AASS: variants seen among roughly 807,000 people sequenced by gnomAD.
The protein encoded by AASS is alpha-aminoadipic semialdehyde synthase, mitochondrial.
A neutral mutation model predicts 105.4 loss-of-function variants in AASS; 86 were observed. That is an observed-to-expected ratio of 0.82 (90% confidence interval 0.69 to 0.98). The LOEUF (loss-of-function observed/expected upper bound fraction) is 0.98. Among genes scored for constraint, AASS ranks in the 50% least tolerant of loss-of-function variants. AASS has a pLI of 0.00. For missense variants in AASS, 1,048 were observed against 1,143.2 expected (o/e 0.92, Z 1.20); for synonymous variants, 381 against 394.8 (o/e 0.96, Z 0.41).
chr7:122,092,951 A>G lies in AASS; in HGVS notation c.1767T>C (p.Ser589=), dbSNP rs780898851. The G allele has an allele frequency of 6.2e-7, 1 of 1,612,828 alleles. No homozygotes were observed. The change falls in exon 17 of 24, where the codon AGT becomes AGC. Residue 589 remains serine (S), a splice_region_variant and synonymous_variant. Transcript: ENST00000417368. ...ITPALKELEK[S]VEDAGITIIG... ...TGATTGTGATGCCAGCATCTTCCAC[A>G]CTGCAGCAGGTGGAAAGAGGAAAAA...
At chr7:122,143,681 G>A (rs538375005) in intron 1 of AASS, among the ~76,000 whole-genome samples, 1 of 151,802 alleles carries the variant, frequency 6.6e-6, no homozygotes, top group East Asian at 2.0e-4. Context: ...GGGGAGGGAA[G>A]GGGGAAAGAA....
chr7:122,143,628 G>C (rs1200672962), intron 1 of AASS, among the ~76,000 whole-genome samples: 1 of 151,780 alleles, frequency 6.6e-6, no homozygotes, highest in East Asian at 2.0e-4. Context: ...GCCCAAGATG[G>C]ACAAGGAGAG....
rs1252598038 is a variant in AASS at position 122,098,764 on chromosome 7, G to T, written c.1509C>A (p.Gly503=). Residue 503 remains glycine (G), a synonymous_variant, in exon 14 of 24, where the codon GGC becomes GGA. Transcript: ENST00000417368. ...EPVLEYLSRD[G]NIEITVGSDM... The stretch of plus-strand genomic sequence containing the variant: ...ATTTACCTACTGTTATTTCTATATT[G>T]CCATCTCTTGATAAATATTCTAATA... 4.4e-6 allele frequency: 7 copies of T among 1,603,990 alleles called. No individual in the cohort carries two copies. The highest frequency in any genetic ancestry group is 2.2e-5 in the East Asian group (1 of 44,534).
At chr7:122,121,361 T>C (rs1429225332) in intron 4 of AASS, among the ~76,000 whole-genome samples, 2 of 152,234 alleles carry the variant, frequency 1.3e-5, no homozygotes, top group Non-Finnish European at 2.9e-5. Flanking sequence ...TCACAATACA[T>C]TGTTTCATTT....
chr7:122,115,322 A>T lies in AASS; in HGVS notation c.895-100T>A, dbSNP rs6947355. On this transcript the variant is annotated intron_variant, in intron 8 of 23. Coordinates refer to ENST00000417368, the MANE Select transcript of AASS (RefSeq NM_005763.4). ...AGTAAATTCTATGAGAAATAATTAA[A>T]TGTAACTTCTAATTGATTTTCTTAT... is the stretch of plus-strand genomic sequence containing the variant. 3,709 of 1,425,898 alleles carry T rather than the reference A, an allele frequency of 2.6e-3. 83 individuals are homozygous for T. The African/African-American group carries it at 0.047, about 18-fold the overall frequency. 88.3% of individuals were successfully genotyped at this position (1,425,898 alleles called of 1,614,324 possible).
intron 1 of AASS, among the ~76,000 whole-genome samples, chr7:122,143,635 A>G (rs1796502368): frequency 2.0e-5 from 3 of 151,608 alleles, no homozygotes; most frequent in African/African-American, 7.3e-5. Flanking sequence ...ATGGACAAGG[A>G]GAGAAGTTTG....
chr7:122,089,464 C>G (rs1793791851), intron 18 of AASS, among the ~76,000 whole-genome samples: 2 of 152,108 alleles, frequency 1.3e-5, no homozygotes, highest in South Asian at 2.1e-4. Flanking sequence ...AAAAAGCACT[C>G]ATTTTTACAA....
At chr7:122,100,979 C>G (rs1462385250) in intron 13 of AASS, among the ~76,000 whole-genome samples, 1 of 151,832 alleles carries the variant, frequency 6.6e-6, no homozygotes, top group African/African-American at 2.4e-5. Flanking sequence ...GAGTCCAAAT[C>G]CTCAACTAAA....
rs1792949703 is a variant in AASS, at chr7:122,075,308, G to A, written c.*1181C>T. Among the ~76,000 whole-genome samples, 1 of 152,150 alleles carries A rather than the reference G, an allele frequency of 6.6e-6. No individual in the cohort carries two copies. The highest frequency in any genetic ancestry group is 1.5e-5 in the Non-Finnish European group (1 of 68,026). ...CTGAATTTATTTATTAATAAATCAT[G>A]CCTTTGGATTTTCTATAGTTTTCCC... On this transcript the variant is annotated 3_prime_UTR_variant, in exon 24 of 24. Transcript: ENST00000417368.
rs530857154 is a variant in AASS, at chr7:122,127,787, A to G, written c.388-1328T>C. Among the ~76,000 whole-genome samples, 5 of 151,952 alleles carry G rather than the reference A, an allele frequency of 3.3e-5. No individual in the cohort carries two copies. In the East Asian group the frequency reaches 9.7e-4, roughly 29 times the overall value. On this transcript the variant is annotated intron_variant, in intron 3 of 23. Coordinates refer to ENST00000417368, the MANE Select transcript of AASS (RefSeq NM_005763.4). ...ATGTGGACCTTAGACTTCTTTTTCT[A>G]TACTCCCTTCCTAGGCTCATCCAGT...
chr7:122,113,095 A>T (rs778331559), intron 11 of AASS, 23 bp downstream of exon 11: 4 of 1,563,220 alleles, frequency 2.6e-6, no homozygotes, highest in Middle Eastern at 1.7e-4. Flanking sequence ...CAGAGTTGTT[A>T]CTGATATTAC....
rs923984987 is a variant in AASS, at chr7:122,076,548, A to C, written c.2722T>G (p.Leu908Val). Reference protein sequence around the residue: ...PFSKEIYGPILERIKAEGIIY... With the variant: ...PFSKEIYGPIVERIKAEGIIY... ...ATGCCTTCTGCTTTAATTCGCTCCA[A>C]TATTGGTCCATAGATCTCCTTTGAA... Residue 908 changes from leucine (L) to valine (V), a missense_variant, in exon 24 of 24, where the codon TTG becomes GTG. Physicochemically the swap from Leu to Val is conservative, Grantham distance 32. Coordinates refer to ENST00000417368, the MANE Select transcript of AASS (RefSeq NM_005763.4). 6.2e-7 allele frequency: 1 copy of C among 1,613,804 alleles called. No homozygotes were observed. Among genetic ancestry groups the C allele is most frequent in the African/African-American group, 1.3e-5 (1 of 74,918 alleles).
chr7:122,102,917 G>C (rs1446325289), intron 11 of AASS, among the ~76,000 whole-genome samples: 1 of 151,606 alleles, frequency 6.6e-6, no homozygotes. Context: ...GAAAAAAACA[G>C]GGAACATAAA....
intron 3 of AASS, among the ~76,000 whole-genome samples, chr7:122,128,518 T>C (rs892248528): frequency 6.6e-6 from 1 of 152,172 alleles, no homozygotes; most frequent in Non-Finnish European, 1.5e-5. Flanking sequence ...TTCAATATTA[T>C]ATTTATCTTC....
intron 3 of AASS, 65 bp downstream of exon 3, chr7:122,129,295 TG>T: frequency 9.2e-7 from 1 of 1,083,488 alleles, no homozygotes; most frequent in Non-Finnish European, 1.3e-6. Flanking sequence ...AAACTCCATT[TG>T]GGGGTTAAAA....
chr7:122,105,589 C>T (rs745662074), intron 11 of AASS, among the ~76,000 whole-genome samples: 33 of 151,956 alleles, frequency 2.2e-4, no homozygotes, highest in Non-Finnish European at 2.9e-4. Flanking sequence ...TTGGAAACTA[C>T]AAACACATGC....
chr7:122,098,401 A>G, intron 15 of AASS, 49 bp downstream of exon 15: 1 of 1,606,498 alleles, frequency 6.2e-7, no homozygotes, highest in Non-Finnish European at 8.5e-7. Context: ...AAAAATGAGA[A>G]AAGAAATAAC....
rs1486632070 is a variant in AASS at position 122,113,649 on chromosome 7, ATTG to A, written c.1112_1114del (p.Thr371del). The A allele has an allele frequency of 3.1e-6, 5 of 1,613,632 alleles. No individual in the cohort carries two copies. Among genetic ancestry groups the A allele is most frequent in the Non-Finnish European group, 4.2e-6 (5 of 1,179,938 alleles). ...ATCATACATGCAAAAGGGATGCTCT[ATTG>A]TTGTACACTCAGTCATAAACTCTAT... is the stretch of plus-strand genomic sequence containing the variant. On this transcript the variant is annotated inframe_deletion, in exon 10 of 24. Coordinates refer to ENST00000417368, the MANE Select transcript of AASS (RefSeq NM_005763.4).
chr7:122,098,410 A>T (rs913519554), intron 15 of AASS, 40 bp downstream of exon 15: 19 of 1,608,988 alleles, frequency 1.2e-5, no homozygotes, highest in Non-Finnish European at 1.4e-5. Flanking sequence ...AAAAGAAATA[A>T]CAACAAAAAT....
Sources: allele counts gnomAD v4.1 joint callset (sites outside exome capture counted in the v4.1 genomes callset), GRCh38; gene constraint gnomAD v4.1.1; transcripts MANE v1.5; gene names NCBI Gene and HGNC (gene_info 2026-07-23, HGNC 2026-07-21).